Variants in ACSF2 observed in about 807,000 individuals in gnomAD.
ACSF2 encodes the protein medium-chain acyl-CoA ligase ACSF2, mitochondrial.
ACSF2 carries 52 observed loss-of-function variants against 79.3 expected under a neutral mutation model. That is an observed-to-expected ratio of 0.66 (90% CI 0.53 to 0.83). The LOEUF (loss-of-function observed/expected upper bound fraction) is 0.83. Ranked by LOEUF, ACSF2 falls within the 40% of genes least tolerant of loss-of-function variation. The pLI is 0.00. For synonymous variants in ACSF2, 283 were observed against 312.6 expected, an observed-to-expected ratio of 0.91 and a Z score of 1.00; for missense variants, 661 against 803.3, an observed-to-expected ratio of 0.82 and a Z score of 2.14.
At chr17:50,464,637 C>G (rs1474171242) in intron 10 of ACSF2, 2 of 498,108 alleles carry the variant, frequency 4.0e-6, no homozygotes, top group African/African-American at 3.9e-5. Context: ...GCTTTAAAAC[C>G]CTTTCTGGAA....
chr17:50,443,609 C>A (rs1016726328), intron 1 of ACSF2, among the ~76,000 whole-genome samples: 1 of 152,198 alleles, frequency 6.6e-6, no homozygotes, highest in East Asian at 1.9e-4. Context: ...CTTTCCCTCT[C>A]CAATTTCCAG....
intron 1 of ACSF2, among the ~76,000 whole-genome samples, chr17:50,433,162 A>G (rs2030093229): frequency 6.7e-6 from 1 of 150,198 alleles, no homozygotes; most frequent in African/African-American, 2.5e-5. Flanking sequence ...GCTGGAGTAC[A>G]GTGGCGCGAT....
chr17:50,461,112 C>A, intron 2 of ACSF2, 130 bp from the exon 3 acceptor site: 2 of 1,429,220 alleles, frequency 1.4e-6, no homozygotes, highest in South Asian at 1.3e-5. Context: ...CCCACTGAGG[C>A]TGGGAATCTG....
At chr17:50,454,581 A>G (rs774572420) in intron 1 of ACSF2, among the ~76,000 whole-genome samples, 1 of 152,106 alleles carries the variant, frequency 6.6e-6, no homozygotes, top group Non-Finnish European at 1.5e-5. Flanking sequence ...AAGAAAAAAA[A>G]GAGAAGATGT....
At chr17:50,453,708 G>A (rs998365394) in intron 1 of ACSF2, among the ~76,000 whole-genome samples, 12 of 152,048 alleles carry the variant, frequency 7.9e-5, no homozygotes, top group African/African-American at 2.7e-4. Flanking sequence ...GAATGCATGA[G>A]CTATTTCTGT....
At chr17:50,462,084 C>T (rs553690667) in intron 4 of ACSF2, 100 bp from the exon 5 acceptor site, 99 of 934,520 alleles carry the variant, frequency 1.1e-4, no homozygotes, top group African/African-American at 7.5e-4. Context: ...GTGTCAGAAG[C>T]GGGTGCATCT....
chr17:50,444,619 G>A (rs1324104945), intron 1 of ACSF2, among the ~76,000 whole-genome samples: 7 of 138,740 alleles, frequency 5.0e-5, no homozygotes, highest in Admixed American at 2.3e-4. Context: ...CCCAGCCCCC[G>A]AGTTTCTCTC....
chr17:50,441,481 T>TCAG (rs1437089451), intron 1 of ACSF2, among the ~76,000 whole-genome samples: 5 of 152,146 alleles, frequency 3.3e-5, no homozygotes, highest in African/African-American at 1.2e-4. Context: ...GGCCTGGCGG[T>TCAG]CCTTTTTAAG....
intron 1 of ACSF2, among the ~76,000 whole-genome samples, chr17:50,428,636 G>C (rs1369967440): frequency 1.3e-5 from 2 of 151,910 alleles, no homozygotes; most frequent in African/African-American, 2.4e-5. Flanking sequence ...TATAAAATTA[G>C]CCTGGCGTGG....
chr17:50,466,424 G>A lies in ACSF2; in HGVS notation c.1215+2130G>A, dbSNP rs117155267. 7.4e-3 allele frequency among the ~76,000 whole-genome samples: 1,126 copies of A among 152,316 alleles called. 16 individuals carry two copies. The highest frequency in any genetic ancestry group is 0.012 in the Non-Finnish European group (821 of 68,028). ...ATTTTCAATATGCAAATGGGGAAACGGAAAAAGCGCAGTCCTTTGCCCTGG... is the reference window on the plus strand; with the variant it reads ...ATTTTCAATATGCAAATGGGGAAACAGAAAAAGCGCAGTCCTTTGCCCTGG... On this transcript the variant is annotated intron_variant, in intron 10 of 15. Transcript: ENST00000300441.
intron 1 of ACSF2, among the ~76,000 whole-genome samples, chr17:50,456,664 G>A (rs1248407393): frequency 4.6e-5 from 7 of 151,864 alleles, no homozygotes; most frequent in African/African-American, 1.2e-4. Flanking sequence ...CCCAGGAGGC[G>A]GAGGTTGTGG....
chr17:50,462,318 G>T lies in ACSF2; in HGVS notation c.626+16G>T. On this transcript the variant is annotated intron_variant, in intron 5 of 15. Coordinates refer to ENST00000300441, the MANE Select transcript of ACSF2 (RefSeq NM_025149.6). ...AGAGTCAGAGGTGGGTGTGTCCCAG[G>T]TTAGTGGGTGGTGCATCATTCAGCA... 2 of 1,613,374 alleles carry T rather than the reference G, an allele frequency of 1.2e-6. No individual in the cohort carries two copies. The highest frequency in any genetic ancestry group is 8.5e-7 in the Non-Finnish European group (1 of 1,179,574).
At chr17:50,461,218 C>CT in intron 2 of ACSF2, 24 bp from the exon 3 acceptor site, 1 of 1,614,140 alleles carries the variant, frequency 6.2e-7, no homozygotes, top group South Asian at 1.1e-5. Flanking sequence ...CCTTTCACCC[C>CT]TTGCGCCCCA....
intron 1 of ACSF2, among the ~76,000 whole-genome samples, chr17:50,442,363 A>G (rs960920171): frequency 7.0e-6 from 1 of 141,892 alleles, no homozygotes; most frequent in Non-Finnish European, 1.5e-5. Flanking sequence ...TGGGTCTGCT[A>G]TATTGCCCAG....
Position 50,431,901 on chromosome 17 carries a change from TTTTC to T in ACSF2, c.128+5524_128+5527del, listed in dbSNP as rs899450190. ...TTACTTAAGTTAAACTTGACTTTTT[TTTTC>T]TTTCTTTCTTTTTTTGGTGGAGACA... On this transcript the variant is annotated intron_variant, in intron 1 of 15. Coordinates refer to ENST00000300441, the MANE Select transcript of ACSF2 (RefSeq NM_025149.6). Among the ~76,000 whole-genome samples, 29 of 152,242 alleles carry T rather than the reference TTTTC, an allele frequency of 1.9e-4. No individual in the cohort carries two copies. The East Asian group carries it at 2.7e-3, about 14-fold the overall frequency.
At chr17:50,450,275 G>A (rs180863126) in intron 1 of ACSF2, 1 of 152,418 alleles carries the variant, frequency 6.6e-6, no homozygotes, top group Non-Finnish European at 1.5e-5. Context: ...CGAGGCAGGT[G>A]GATCACTTGA....
chr17:50,465,691 A>C, intron 10 of ACSF2: 1 of 1,612,920 alleles, frequency 6.2e-7, no homozygotes. Context: ...TGGGAGTGAC[A>C]TGGAAGTGTT....
intron 1 of ACSF2, among the ~76,000 whole-genome samples, chr17:50,454,169 ATTTTTTTT>A (rs34569538): frequency 2.7e-5 from 3 of 113,074 alleles, no homozygotes; most frequent in Non-Finnish European, 5.3e-5. Flanking sequence ...ACCGTCCCAA[ATTTTTTTT>A]TTTTTTTTTT....
At chr17:50,447,551 A>G (rs1241349759) in intron 1 of ACSF2, among the ~76,000 whole-genome samples, 1 of 151,860 alleles carries the variant, frequency 6.6e-6, no homozygotes, top group African/African-American at 2.4e-5. Flanking sequence ...CAAAATAATA[A>G]TAATAATAAT....
Sources: gnomAD v4.1 joint callset for allele counts (sites outside exome capture counted in the v4.1 genomes callset) on GRCh38, gnomAD v4.1.1 for gene constraint, MANE v1.5 for transcripts, NCBI Gene and HGNC (gene_info 2026-07-23, HGNC 2026-07-21) for gene names.